Variants in FAAH2 observed in about 807,000 individuals in gnomAD.
The protein encoded by FAAH2 is fatty acid amide hydrolase 2, also known as fatty-acid amide hydrolase 2.
A neutral mutation model predicts 36.9 loss-of-function variants in FAAH2; 60 were observed. The ratio of observed to expected loss-of-function variants is 1.63; its 90% CI spans 1.32 to 2.02. The LOEUF (loss-of-function observed/expected upper bound fraction) is 2.02, where lower values mean the gene tolerates loss of function less well. Ranked by LOEUF, FAAH2 falls within the 30% of genes most tolerant of loss-of-function variation. The pLI is 0.00. For synonymous variants in FAAH2, 214 were observed against 143.8 expected (o/e 1.49, Z -3.49); for missense variants, 689 against 397.5 (o/e 1.73, Z -6.23).
the FAAH2 span, among the ~76,000 whole-genome samples, chrX:57,186,198 G>C: frequency 8.9e-6 from 1 of 111,984 alleles, no homozygotes; most frequent in Non-Finnish European, 1.9e-5. Flanking sequence ...CAGTGTAAAA[G>C]TGTTCCTTTT....
chrX:57,417,969 T>C (rs1174398087), intron 7 of FAAH2, among the ~76,000 whole-genome samples: 3 of 111,548 alleles, frequency 2.7e-5, no homozygotes, highest in African/African-American at 9.8e-5. Context: ...GCTACAGTGG[T>C]TTTGCTGAGC....
upstream of FAAH2, among the ~76,000 whole-genome samples, chrX:57,283,094 C>A (rs907202550): frequency 2.7e-5 from 3 of 112,309 alleles, no homozygotes; most frequent in African/African-American, 9.7e-5. Context: ...GCCATGGGAA[C>A]CTGCCTGGGG....
chrX:57,426,381 G>C (rs188755238), intron 7 of FAAH2, among the ~76,000 whole-genome samples: 1 of 111,750 alleles, frequency 8.9e-6, no homozygotes, highest in Non-Finnish European at 1.9e-5. Context: ...ACAAATGCAA[G>C]AGTTAAACTG....
intron 7 of FAAH2, among the ~76,000 whole-genome samples, chrX:57,427,039 A>G (rs2147097276): frequency 9.0e-6 from 1 of 111,477 alleles, no homozygotes; most frequent in African/African-American, 3.2e-5. Context: ...GATAAACACA[A>G]TTGGAAATGA....
At chrX:57,449,650 C>A (rs1602705703) in intron 10 of FAAH2, among the ~76,000 whole-genome samples, 1 of 110,397 alleles carries the variant, frequency 9.1e-6, no homozygotes. Context: ...TCCTTCCTGT[C>A]CTTCCTTCCT....
chrX:57,255,160 A>C, the FAAH2 span, among the ~76,000 whole-genome samples: 1 of 112,240 alleles, frequency 8.9e-6, no homozygotes, highest in Non-Finnish European at 1.9e-5. Flanking sequence ...CTAAACAAAT[A>C]AACTAGAGAA....
intron 5 of FAAH2, among the ~76,000 whole-genome samples, chrX:57,369,808 C>T (rs2054507535): frequency 9.0e-6 from 1 of 111,493 alleles, no homozygotes; most frequent in South Asian, 3.7e-4. Context: ...CAGAACACTC[C>T]ATTATTATAA....
At chrX:57,164,855 A>T in the FAAH2 span, among the ~76,000 whole-genome samples, 16 of 112,305 alleles carry the variant, frequency 1.4e-4, no homozygotes, top group East Asian at 4.5e-3. Context: ...ACTAGTTTCC[A>T]TTTTAATCAT....
At chrX:57,140,015 G>GTGTTGTCT in the FAAH2 span, among the ~76,000 whole-genome samples, 1 of 111,473 alleles carries the variant, frequency 9.0e-6, no homozygotes, top group Non-Finnish European at 1.9e-5. Context: ...TTCTATTTTT[G>GTGTTGTCT]TGTTGTCTTT....
intron 7 of FAAH2, among the ~76,000 whole-genome samples, chrX:57,429,248 A>G (rs1339427162): frequency 9.2e-6 from 1 of 108,184 alleles, no homozygotes; most frequent in Non-Finnish European, 1.9e-5. Flanking sequence ...CTGAGGCAGG[A>G]GAATGGCGTG....
At chrX:57,123,706 G>C in the FAAH2 span, among the ~76,000 whole-genome samples, 2 of 112,385 alleles carry the variant, frequency 1.8e-5, no homozygotes, top group Non-Finnish European at 3.8e-5. Flanking sequence ...TAACAGGTGT[G>C]AGATGGTATC....
At chrX:57,132,122 T>G in the FAAH2 span, among the ~76,000 whole-genome samples, 1 of 112,583 alleles carries the variant, frequency 8.9e-6, no homozygotes, top group East Asian at 2.8e-4. Context: ...ACATCTGTCC[T>G]TTATCCAAAC....
chrX:57,423,263 G>C (rs1260241353), intron 7 of FAAH2, among the ~76,000 whole-genome samples: 1 of 112,060 alleles, frequency 8.9e-6, no homozygotes, highest in Non-Finnish European at 1.9e-5. Context: ...TCTCTGGACT[G>C]AGATTTGCAA....
intron 5 of FAAH2, among the ~76,000 whole-genome samples, chrX:57,352,884 A>C (rs184013381): frequency 5.5e-4 from 61 of 110,856 alleles, no homozygotes; most frequent in Non-Finnish European, 1.0e-3. Flanking sequence ...ATACCTGCTT[A>C]TAAATTTAGC....
intron 7 of FAAH2, among the ~76,000 whole-genome samples, chrX:57,423,329 C>T (rs2056082489): frequency 9.0e-6 from 1 of 111,638 alleles, no homozygotes; most frequent in African/African-American, 3.3e-5. Flanking sequence ...GTGAGTGTGG[C>T]ATGGGCATGA....
upstream of FAAH2, among the ~76,000 whole-genome samples, chrX:57,286,123 G>A (rs1334860696): frequency 9.0e-6 from 1 of 111,718 alleles, no homozygotes; most frequent in African/African-American, 3.3e-5. Flanking sequence ...GAACGATCTG[G>A]AAGACATTCA....
intron 7 of FAAH2, among the ~76,000 whole-genome samples, chrX:57,398,416 T>G (rs1244908175): frequency 3.6e-5 from 4 of 112,421 alleles, no homozygotes; most frequent in Non-Finnish European, 7.5e-5. Flanking sequence ...TCAGGAAATG[T>G]TTCCTGAATT....
the FAAH2 span, among the ~76,000 whole-genome samples, chrX:57,239,617 T>G: frequency 1.8e-5 from 2 of 111,397 alleles, no homozygotes; most frequent in Non-Finnish European, 3.8e-5. Flanking sequence ...ATAGACAATA[T>G]GCTTAAATAT....
the FAAH2 span, among the ~76,000 whole-genome samples, chrX:57,150,335 G>A: frequency 9.0e-6 from 1 of 111,641 alleles, no homozygotes; most frequent in African/African-American, 3.3e-5. Context: ...CTGTCTCATT[G>A]ATCTGTCTAA....
Sources: gnomAD v4.1 joint callset for allele counts (sites outside exome capture counted in the v4.1 genomes callset) on GRCh38, gnomAD v4.1.1 for gene constraint, MANE v1.5 for transcripts, NCBI Gene and HGNC (gene_info 2026-07-23, HGNC 2026-07-21) for gene names.